The following ABCC2 variants were observed in gnomAD, a reference collection of about 807,000 sequenced individuals.
ABCC2 encodes ATP binding cassette subfamily C member 2.
Under a neutral mutation model 173.4 loss-of-function variants are expected in ABCC2, and 157 were observed. The observed-to-expected ratio is 0.91, with a 90% CI of 0.80 to 1.03. ABCC2 has a LOEUF of 1.03. Among genes scored for constraint, ABCC2 ranks in the 50% least tolerant of loss-of-function variants. ABCC2 has a pLI of 0.00. For missense variants in ABCC2, 1,822 were observed against 1,852.3 expected, an observed-to-expected ratio of 0.98 and a Z score of 0.30; for synonymous variants, 657 against 693.5, an observed-to-expected ratio of 0.95 and a Z score of 0.83.
rs568436384 is a variant in ABCC2 at position 99,807,962 on chromosome 10, A to G, written c.1669-121A>G. Reference sequence around the variant, plus strand: ...TGGGCTCAGTTTTCTCATCTGTAACATGGGGAGGCTGGATGATCCTTAAGG... The same window carrying G: ...TGGGCTCAGTTTTCTCATCTGTAACGTGGGGAGGCTGGATGATCCTTAAGG... On this transcript the variant is annotated intron_variant, in intron 12 of 31. Coordinates refer to ENST00000647814, the MANE Select transcript of ABCC2 (RefSeq NM_000392.5). The G allele has an allele frequency of 1.6e-3, 2,011 of 1,227,664 alleles. 2 individuals are homozygous for G. Among genetic ancestry groups the G allele is most frequent in the Non-Finnish European group, 2.3e-3 (1,901 of 841,720 alleles). The allele number at this position is 1,227,664 out of a possible 1,614,324, so 76.0% of individuals were successfully genotyped here. A position where few individuals can be genotyped will look rare whatever the true frequency, so the allele number is the denominator to read the frequency against.
chr10:99,810,509 G>A (rs957651829), intron 14 of ABCC2, among the ~76,000 whole-genome samples: 1 of 152,222 alleles, frequency 6.6e-6, no homozygotes, highest in African/African-American at 2.4e-5. Flanking sequence ...GTGGGATTGG[G>A]AAGGTAGCCT....
At chr10:99,839,251 T>C (rs1590188593) in intron 25 of ABCC2, among the ~76,000 whole-genome samples, 3 of 77,434 alleles carry the variant, frequency 3.9e-5, no homozygotes, top group African/African-American at 5.0e-5. Context: ...CCCCCCCACC[T>C]CCCTCCCGGA....
In ABCC2 at chr10:99,800,099, C is replaced by G. The variant is rs543065415; in HGVS notation, c.1032-287C>G. On this transcript the variant is annotated intron_variant, in intron 8 of 31. Transcript: ENST00000647814. ...CCTGTAGACCCAGCTATTTAGGAGG[C>G]TGAGGTGGGAGGATCACCTAAGCCC... Among the ~76,000 whole-genome samples the G allele has an allele frequency of 7.2e-5, 11 of 152,270 alleles. No individual in the cohort carries two copies. The South Asian group carries it at 2.3e-3, about 32-fold the overall frequency.
intron 12 of ABCC2, among the ~76,000 whole-genome samples, 193 bp downstream of exon 12, chr10:99,807,714 G>A (rs1394578566): frequency 2.0e-5 from 3 of 152,124 alleles, no homozygotes; most frequent in African/African-American, 4.8e-5. Flanking sequence ...TTTCACCTTC[G>A]TGTACTGTAC....
At chr10:99,824,217 C>T (rs1373371540) in intron 19 of ABCC2, among the ~76,000 whole-genome samples, 10 of 151,940 alleles carry the variant, frequency 6.6e-5, no homozygotes, top group Middle Eastern at 3.4e-3. Flanking sequence ...TAGAGTTGGC[C>T]GAATCCAATT....
intron 19 of ABCC2, among the ~76,000 whole-genome samples, chr10:99,829,039 C>G (rs749412112): frequency 2.0e-5 from 3 of 151,878 alleles, no homozygotes; most frequent in Non-Finnish European, 4.4e-5. Context: ...CTTATTTGCC[C>G]CAAGTGTTAT....
At chr10:99,838,451 G>T (rs1590187651) in intron 25 of ABCC2, among the ~76,000 whole-genome samples, 1 of 74,824 alleles carries the variant, frequency 1.3e-5, no homozygotes, top group Admixed American at 1.1e-4. Context: ...CCTCCCTCCC[G>T]GACGGGGCGG....
rs548298862 is a variant in ABCC2, at chr10:99,821,406, C to T, written c.2620+2137C>T. Among the ~76,000 whole-genome samples the T allele has an allele frequency of 3.0e-3, 454 of 152,148 alleles. 4 individuals are homozygous for T. The highest frequency in any genetic ancestry group is 0.01 in the Middle Eastern group (3 of 294). ...CCTTTACGGGTGTCGGGCTGGGGGA[C>T]GGTCAGGTCTTTCCCTTCCCACGAG... On this transcript the variant is annotated intron_variant, in intron 19 of 31. Transcript: ENST00000647814.
intron 19 of ABCC2, among the ~76,000 whole-genome samples, chr10:99,824,528 A>C (rs1424501491): frequency 3.3e-3 from 459 of 137,708 alleles, no homozygotes; most frequent in South Asian, 5.4e-3. Context: ...CTCGACCTAC[A>C]AAAGTCTGAC....
At chr10:99,836,394 C>A in intron 25 of ABCC2, 104 bp downstream of exon 25, 1 of 1,144,928 alleles carries the variant, frequency 8.7e-7, no homozygotes, top group Non-Finnish European at 1.3e-6. Context: ...GAAATTCACT[C>A]TGGCCACACA....
chr10:99,798,711 C>T (rs1339985520), intron 7 of ABCC2, among the ~76,000 whole-genome samples: 1 of 152,090 alleles, frequency 6.6e-6, no homozygotes, highest in East Asian at 1.9e-4. Flanking sequence ...GCATTAGGGC[C>T]CCAGTGACCT....
chr10:99,803,339 T>C (rs1239289792), intron 9 of ABCC2, among the ~76,000 whole-genome samples: 5 of 152,234 alleles, frequency 3.3e-5, no homozygotes, highest in African/African-American at 1.2e-4. Flanking sequence ...TCTGTCCTTC[T>C]TGGGAATGAT....
chr10:99,814,106 C>CACACATATGTGTGTATATATACACAT, intron 16 of ABCC2, among the ~76,000 whole-genome samples: 1 of 63,480 alleles, frequency 1.6e-5, no homozygotes, highest in South Asian at 4.6e-4. Context: ...TATATACACA[C>CACACATATGTGTGTATATATACACAT]ATATGTGTAT....
chr10:99,784,859 C>T (rs944352625), intron 2 of ABCC2, 78 bp downstream of exon 2: 71 of 1,554,858 alleles, frequency 4.6e-5, no homozygotes, highest in Middle Eastern at 1.7e-4. Flanking sequence ...TTAGTGTTCT[C>T]TTCCTTGTCT....
rs893389100 is a variant in ABCC2, at chr10:99,817,768, G to A, written c.2271+284G>A. On this transcript the variant is annotated intron_variant, in intron 17 of 31. Coordinates refer to ENST00000647814, the MANE Select transcript of ABCC2 (RefSeq NM_000392.5). ...AGAAGTTAACAGTGACTGGCCCAAG[G>A]TTGATCTCACAGGTGGTGGGGCAGA... Among the ~76,000 whole-genome samples the A allele has an allele frequency of 2.6e-5, 4 of 152,166 alleles. No individual in the cohort carries two copies. The East Asian group carries it at 7.7e-4, about 29-fold the overall frequency.
At chr10:99,795,761 A>AAGAG in intron 6 of ABCC2, among the ~76,000 whole-genome samples, 1 of 147,230 alleles carries the variant, frequency 6.8e-6, no homozygotes, top group Admixed American at 6.8e-5. Context: ...GAAAGAAAGA[A>AAGAG]AGAAAGAAAG....
At position 99,784,594 on chromosome 10, in the gene ABCC2, C is replaced by T; in HGVS notation, c.34-14C>T. On this transcript the variant is annotated splice_polypyrimidine_tract_variant and intron_variant, in intron 1 of 31. Coordinates refer to ENST00000647814, the MANE Select transcript of ABCC2 (RefSeq NM_000392.5). The stretch of plus-strand genomic sequence containing the variant: ...AATGCATGTATGCAACAATCCTTCC[C>T]CTTTGGTCTCCAGAATTCCTCATTC... 6.2e-7 allele frequency: 1 copy of T among 1,613,584 alleles called. No individual in the cohort carries two copies. The highest frequency in any genetic ancestry group is 1.1e-5 in the South Asian group (1 of 91,046).
At position 99,799,538 on chromosome 10, in the gene ABCC2, G is replaced by A. The variant is rs144523808; in HGVS notation, c.1031+168G>A. Among the ~76,000 whole-genome samples, 70 of 152,330 alleles carry A rather than the reference G, an allele frequency of 4.6e-4. No individual in the cohort carries two copies. The East Asian group carries it at 0.013, about 27-fold the overall frequency. The stretch of plus-strand genomic sequence containing the variant: ...ATTGTGTTCATGAAGACCGCAGGCA[G>A]TTTTCAAGATGTATGATGATATGTA... On this transcript the variant is annotated intron_variant, in intron 8 of 31. Coordinates refer to ENST00000647814, the MANE Select transcript of ABCC2 (RefSeq NM_000392.5).
At position 99,804,337 on chromosome 10, in the gene ABCC2, C is replaced by G; in HGVS notation, c.1464+64C>G. On this transcript the variant is annotated intron_variant, in intron 10 of 31. Coordinates refer to ENST00000647814, the MANE Select transcript of ABCC2 (RefSeq NM_000392.5). ...TAAAGTGTAAACCCTTTTTCTTACT[C>G]TACTCTAATTCTTAATGGGAGTTTG... 2.5e-6 allele frequency: 4 copies of G among 1,604,464 alleles called. No homozygotes were observed. In the South Asian group the frequency reaches 4.4e-5, roughly 18 times the overall value.
Sources: gnomAD v4.1 joint callset for allele counts (sites outside exome capture counted in the v4.1 genomes callset) on GRCh38, gnomAD v4.1.1 for gene constraint, MANE v1.5 for transcripts, NCBI Gene and HGNC (gene_info 2026-07-23, HGNC 2026-07-21) for gene names.